The following SLFN5 variants were observed in gnomAD, a reference collection of about 807,000 sequenced individuals.
The protein encoded by SLFN5 is schlafen family member 5.
SLFN5 carries 34 observed loss-of-function variants against 48.5 expected under a neutral mutation model. That is an observed-to-expected ratio of 0.70 (90% CI 0.53 to 0.93). The LOEUF (loss-of-function observed/expected upper bound fraction) is 0.93. Ranked by LOEUF, SLFN5 falls within the 40% of genes least tolerant of loss-of-function variation. The pLI is 0.00. For synonymous variants in SLFN5, 387 were observed against 396.2 expected, an observed-to-expected ratio of 0.98 and a Z score of 0.28; for missense variants, 1,006 against 1,071.3, an observed-to-expected ratio of 0.94 and a Z score of 0.85.
intron 1 of SLFN5, among the ~76,000 whole-genome samples, chr17:35,256,752 C>T (rs1904354637): frequency 6.6e-6 from 1 of 152,142 alleles, no homozygotes; most frequent in African/African-American, 2.4e-5. Context: ...TGAGGTCAAT[C>T]AGGTCATAAA....
rs1018462036 is a variant in SLFN5, at chr17:35,270,580, C to T, written c.*4692C>T. 3.3e-5 allele frequency: 5 copies of T among 152,282 alleles called. No individual in the cohort carries two copies. The highest frequency in any genetic ancestry group is 3.3e-4 in the Admixed American group (5 of 15,276). 9.4% of individuals were successfully genotyped at this position (152,282 alleles called of 1,614,324 possible). On this transcript the variant is annotated 3_prime_UTR_variant, in exon 5 of 5. Coordinates refer to ENST00000299977, the MANE Select transcript of SLFN5 (RefSeq NM_144975.4). ...GAAAGTGTTGCCCTGAGGCTGAAGCCAAATTCATTTTGCCCCCAGTTGGCC... is the reference window on the plus strand; with the variant it reads ...GAAAGTGTTGCCCTGAGGCTGAAGCTAAATTCATTTTGCCCCCAGTTGGCC...
chr17:35,271,510 A>G lies in SLFN5; in HGVS notation c.*5622A>G, dbSNP rs750603050. Reference sequence around the variant, plus strand: ...ATAATTCCAACAAAAAGATAAAATAATTAAGAATAACTGCAACAAGAAAAT... The same window carrying G: ...ATAATTCCAACAAAAAGATAAAATAGTTAAGAATAACTGCAACAAGAAAAT... On this transcript the variant is annotated 3_prime_UTR_variant, in exon 5 of 5. Coordinates refer to ENST00000299977, the MANE Select transcript of SLFN5 (RefSeq NM_144975.4). 7.9e-5 allele frequency: 12 copies of G among 152,206 alleles called. No individual in the cohort carries two copies. Among genetic ancestry groups the G allele is most frequent in the Non-Finnish European group, 1.3e-4 (9 of 68,044 alleles). The allele number at this position is 152,206 out of a possible 1,614,324, so 9.4% of individuals were successfully genotyped here. A position where few individuals can be genotyped will look rare whatever the true frequency, so the allele number is the denominator to read the frequency against.
chr17:35,264,998 T>C (rs746564231), intron 4 of SLFN5, 74 bp from the exon 5 acceptor site: 5 of 1,545,044 alleles, frequency 3.2e-6, no homozygotes, highest in Admixed American at 2.1e-5. Flanking sequence ...GTATTTACCA[T>C]GACCAGAGGG....
At chr17:35,264,965 G>T in intron 4 of SLFN5, 62 bp downstream of exon 4, 1 of 1,535,490 alleles carries the variant, frequency 6.5e-7, no homozygotes, top group Non-Finnish European at 8.7e-7. Flanking sequence ...GTGGCTTTCA[G>T]TTTACTTGCT....
At position 35,265,384 on chromosome 17, in the gene SLFN5, A is replaced by G. The variant is rs771476088; in HGVS notation, c.2172A>G (p.Gln724=). ...NAGPIANYLQ[Q]VMQEARQNPP... ...GTCCAATAGCTAATTACCTACAACA[A>G]GTAATGCAGGAAGCCCGACAAAATC... is the stretch of plus-strand genomic sequence containing the variant. Residue 724 remains glutamine (Q), a synonymous_variant, in exon 5 of 5, where the codon CAA becomes CAG. Transcript: ENST00000299977. 3 of 1,614,216 alleles carry G rather than the reference A, an allele frequency of 1.9e-6. No homozygotes were observed. Among genetic ancestry groups the G allele is most frequent in the South Asian group, 2.2e-5 (2 of 91,084 alleles).
rs1335135693 is a variant in SLFN5, at chr17:35,264,434, A to C, written c.1390A>C (p.Lys464Gln). ...CTTCAGCAAGTGGGATGCGGGGTGCAAGGGCTATTCTATGATAGTTGCCTA... is the reference window on the plus strand; with the variant it reads ...CTTCAGCAAGTGGGATGCGGGGTGCCAGGGCTATTCTATGATAGTTGCCTA... ...TIFSKWDAGCKGYSMIVAYSL... is the reference protein window; with the variant it reads ...TIFSKWDAGCQGYSMIVAYSL... The change falls in exon 4 of 5, where the codon AAG becomes CAG. Residue 464 changes from lysine to glutamine, a missense_variant. Transcript: ENST00000299977. The C allele has an allele frequency of 6.2e-7, 1 of 1,614,052 alleles. No homozygotes were observed. Among genetic ancestry groups the C allele is most frequent in the Non-Finnish European group, 8.5e-7 (1 of 1,180,046 alleles).
At position 35,259,009 on chromosome 17, in the gene SLFN5, G is replaced by A; in HGVS notation, c.319G>A (p.Gly107Ser). 6.2e-7 allele frequency: 1 copy of A among 1,614,160 alleles called. No homozygotes were observed. The highest frequency in any genetic ancestry group is 8.5e-7 in the Non-Finnish European group (1 of 1,180,044). ...TGTGAAATCATGGAACACAGAGGCT[G>A]GTGTGCCACTTGCTACCTTATGCTC... ...IFVKSWNTEA[G>S]VPLATLCSNL... Residue 107 changes from glycine to serine, a missense_variant, in exon 2 of 5, where the codon GGT becomes AGT. Physicochemically the swap from Gly to Ser is moderately conservative, Grantham distance 56. Coordinates refer to ENST00000299977, the MANE Select transcript of SLFN5 (RefSeq NM_144975.4).
rs576375048 is a variant in SLFN5, at chr17:35,270,117, C to G, written c.*4229C>G. 1.3e-5 allele frequency: 2 copies of G among 151,902 alleles called. No homozygotes were observed. Among genetic ancestry groups the G allele is most frequent in the South Asian group, 4.2e-4 (2 of 4,816 alleles). 9.4% of individuals were successfully genotyped at this position (151,902 alleles called of 1,614,324 possible). On this transcript the variant is annotated 3_prime_UTR_variant, in exon 5 of 5. Coordinates refer to ENST00000299977, the MANE Select transcript of SLFN5 (RefSeq NM_144975.4). The stretch of plus-strand genomic sequence containing the variant: ...ATTTTAAAATATTATGTATCATATC[C>G]TTCGATTTAACATAATTCTATCTAG...
rs1280652764 is a variant in SLFN5 at position 35,243,078 on chromosome 17, T to A, written c.-106T>A. On this transcript the variant is annotated 5_prime_UTR_variant, in exon 1 of 5. Transcript: ENST00000299977. ...GATCCCGCCGGGTCAGGTTCTCTGC[T>A]CTGGACTTGGGAGGCTCCGTTGCCT... 3 of 152,248 alleles carry A rather than the reference T, an allele frequency of 2.0e-5. No individual in the cohort carries two copies. Among genetic ancestry groups the A allele is most frequent in the Non-Finnish European group, 4.4e-5 (3 of 68,108 alleles). The allele number at this position is 152,248 out of a possible 1,614,324, so 9.4% of individuals were successfully genotyped here. A position where few individuals can be genotyped will look rare whatever the true frequency, so the allele number is the denominator to read the frequency against.
chr17:35,244,492 C>T (rs1331512141), intron 1 of SLFN5, among the ~76,000 whole-genome samples: 2 of 152,190 alleles, frequency 1.3e-5, no homozygotes, highest in East Asian at 1.9e-4. Flanking sequence ...GAGAAGGGGG[C>T]GGAGGCTGTG....
In SLFN5 at chr17:35,270,840, A is replaced by G. The variant is rs999664917; in HGVS notation, c.*4952A>G. On this transcript the variant is annotated 3_prime_UTR_variant, in exon 5 of 5. Transcript: ENST00000299977. ...ACCAAAAATGTCTCCAGACATCGCCAAATGTCCCTTGGGGGGTAAAATCAC... is the reference window on the plus strand; with the variant it reads ...ACCAAAAATGTCTCCAGACATCGCCGAATGTCCCTTGGGGGGTAAAATCAC... 6.6e-6 allele frequency: 1 copy of G among 152,158 alleles called. No homozygotes were observed. The highest frequency in any genetic ancestry group is 2.4e-5 in the African/African-American group (1 of 41,438). The allele number at this position is 152,158 out of a possible 1,614,324, so 9.4% of individuals were successfully genotyped here. A position where few individuals can be genotyped will look rare whatever the true frequency, so the allele number is the denominator to read the frequency against.
rs1331152855 is a variant in SLFN5 at position 35,264,495 on chromosome 17, A to G, written c.1451A>G (p.Tyr484Cys). The G allele has an allele frequency of 1.2e-6, 2 of 1,614,188 alleles. No individual in the cohort carries two copies. The highest frequency in any genetic ancestry group is 2.2e-5 in the South Asian group (2 of 91,086). Residue 484 changes from tyrosine (Y) to cysteine (C), a missense_variant, in exon 4 of 5, where the codon TAC (tyrosine) becomes TGC (cysteine). Physicochemically the swap from Tyr to Cys is radical, Grantham distance 194 (BLOSUM62 -2). Coordinates refer to ENST00000299977, the MANE Select transcript of SLFN5 (RefSeq NM_144975.4). ...CAGAAGCTGGTGAACAAAGGCGGCT[A>G]CACTGGGAGGTTATGCATCACCCCC... ...LKQKLVNKGG[Y>C]TGRLCITPLV...
At chr17:35,253,209 G>A (rs1437853595) in intron 1 of SLFN5, among the ~76,000 whole-genome samples, 2 of 151,912 alleles carry the variant, frequency 1.3e-5, no homozygotes, top group East Asian at 3.9e-4. Context: ...CACTTATGAG[G>A]GTACATCATC....
chr17:35,272,883 C>G lies in SLFN5; in HGVS notation c.*6995C>G, dbSNP rs1375525011. 6.6e-6 allele frequency: 1 copy of G among 152,178 alleles called. No individual in the cohort carries two copies. The highest frequency in any genetic ancestry group is 1.5e-5 in the Non-Finnish European group (1 of 68,014). The allele number at this position is 152,178 out of a possible 1,614,324, so 9.4% of individuals were successfully genotyped here. A position where few individuals can be genotyped will look rare whatever the true frequency, so the allele number is the denominator to read the frequency against. On this transcript the variant is annotated 3_prime_UTR_variant, in exon 5 of 5. Transcript: ENST00000299977. ...GCATTGCTGTAAATTGGTACATCTT[C>G]TACTGAGAACAATCCGGCAGTAGTT...
In SLFN5 at chr17:35,265,553, T is replaced by C. The variant is rs745467702; in HGVS notation, c.2341T>C (p.Leu781=). Residue 781 remains leucine, a synonymous_variant, in exon 5 of 5, where the codon TTG becomes CTG. Transcript: ENST00000299977. The part of the protein sequence containing the change: ...IYVANKCRFL[L]RNGYSPKDIA... ...TGTAGCGAATAAATGCCGTTTTCTC[T>C]TGCGGAATGGTTATTCTCCGAAGGA... 3 of 1,614,242 alleles carry C rather than the reference T, an allele frequency of 1.9e-6. No individual in the cohort carries two copies. The highest frequency in any genetic ancestry group is 4.5e-5 in the East Asian group (2 of 44,886).
intron 1 of SLFN5, among the ~76,000 whole-genome samples, chr17:35,258,289 G>T (rs1268465030): frequency 6.6e-6 from 1 of 152,182 alleles, no homozygotes; most frequent in Non-Finnish European, 1.5e-5. Context: ...GGGGAGTCCT[G>T]ACAATCACGG....
rs1165806506 is a variant in SLFN5 at position 35,272,805 on chromosome 17, T to C, written c.*6917T>C. ...TTACTCATGATAGCAGAAGTATCAA[T>C]TGACAAAATTACTCAGATTGGTAAC... On this transcript the variant is annotated 3_prime_UTR_variant, in exon 5 of 5. Coordinates refer to ENST00000299977, the MANE Select transcript of SLFN5 (RefSeq NM_144975.4). 3 of 152,220 alleles carry C rather than the reference T, an allele frequency of 2.0e-5. No individual in the cohort carries two copies. The highest frequency in any genetic ancestry group is 2.9e-5 in the Non-Finnish European group (2 of 68,034). 9.4% of individuals were successfully genotyped at this position (152,220 alleles called of 1,614,324 possible).
intron 1 of SLFN5, among the ~76,000 whole-genome samples, chr17:35,255,641 T>C (rs956658947): frequency 2.0e-5 from 3 of 152,224 alleles, no homozygotes. Context: ...TGTATAACAG[T>C]GCCTGGGAAA....
At chr17:35,250,483 G>C (rs1003366850) in intron 1 of SLFN5, among the ~76,000 whole-genome samples, 12 of 151,886 alleles carry the variant, frequency 7.9e-5, no homozygotes, top group African/African-American at 1.5e-4. Context: ...GGTGAAACCC[G>C]GTCTCTACTA....
Sources: allele counts gnomAD v4.1 joint callset (sites outside exome capture counted in the v4.1 genomes callset), GRCh38; gene constraint gnomAD v4.1.1; transcripts MANE v1.5; gene names NCBI Gene and HGNC (gene_info 2026-07-23, HGNC 2026-07-21).